The following DPH6 variants were observed in gnomAD, a reference collection of about 807,000 sequenced individuals.
The protein encoded by DPH6 is diphthine--ammonia ligase.
In DPH6, 33 loss-of-function variants were observed where a neutral mutation model predicts 38.2. That is an observed-to-expected ratio of 0.86 (90% CI 0.65 to 1.15). The LOEUF is 1.15. Ranked by LOEUF, DPH6 falls within the 50% of genes most tolerant of loss-of-function variation. The pLI, the probability that DPH6 is intolerant of heterozygous loss-of-function variation, is 0.00. For missense variants in DPH6, 325 were observed against 320.0 expected (o/e 1.02, Z -0.12); for synonymous variants, 108 against 103.0 (o/e 1.05, Z -0.30).
intron 3 of DPH6, among the ~76,000 whole-genome samples, chr15:35,363,685 G>A (rs1439929145): frequency 6.6e-6 from 1 of 151,738 alleles, no homozygotes; most frequent in Non-Finnish European, 1.5e-5. Flanking sequence ...GTTGCTCTAT[G>A]TTTATTTTAG....
At chr15:35,155,330 A>G in the DPH6 span, among the ~76,000 whole-genome samples, 3 of 152,222 alleles carry the variant, frequency 2.0e-5, no homozygotes, top group Non-Finnish European at 2.9e-5. Flanking sequence ...TTTTTGAAGC[A>G]TGTTCAATTA....
chr15:35,145,151 G>C, the DPH6 span, among the ~76,000 whole-genome samples: 1 of 50,054 alleles, frequency 2.0e-5, no homozygotes, highest in Non-Finnish European at 5.2e-5. Context: ...GCAACAAACA[G>C]AAATGTATAA....
At chr15:35,436,937 C>T (rs577182024) in intron 5 of DPH6, among the ~76,000 whole-genome samples, 49 of 151,996 alleles carry the variant, frequency 3.2e-4, no homozygotes, top group South Asian at 1.5e-3. Context: ...ATGCAACCCC[C>T]GAGACACATT....
intron 3 of DPH6, among the ~76,000 whole-genome samples, chr15:35,463,122 TCAAA>T (rs1034979793): frequency 7.2e-5 from 11 of 152,090 alleles, no homozygotes; most frequent in African/African-American, 2.4e-4. Flanking sequence ...ATACTTTTTG[TCAAA>T]CAGATATATA....
chr15:35,218,744 T>TA (rs201860277), exon 4 of DPH6: 2 of 152,072 alleles, frequency 1.3e-5, no homozygotes, highest in African/African-American at 4.8e-5. Flanking sequence ...CTTTTTTTTT[T>TA]AATTAAAACA....
intron 6 of DPH6, among the ~76,000 whole-genome samples, chr15:35,403,462 C>T (rs1230006808): frequency 1.3e-5 from 2 of 151,946 alleles, no homozygotes; most frequent in Admixed American, 1.3e-4. Context: ...TTATTATTGA[C>T]TATAGGCCCC....
rs1017006986 is a variant in DPH6, at chr15:35,348,402, G to C, written n.208-17325C>G. 2.6e-5 allele frequency among the ~76,000 whole-genome samples: 4 copies of C among 152,240 alleles called. No individual in the cohort carries two copies. In the East Asian group the frequency reaches 7.7e-4, roughly 29 times the overall value. On this transcript the variant is annotated intron_variant and non_coding_transcript_variant, in intron 3 of 3. Coordinates refer to the DPH6 transcript ENST00000558973. ...CTTTCCCAACATCTTTTGTTGAAGA[G>C]ACTATTTTCCATTGTGTAGTTTTGA...
At chr15:35,496,567 AATATAT>A (rs1165939476) in intron 3 of DPH6, among the ~76,000 whole-genome samples, 20 of 31,014 alleles carry the variant, frequency 6.4e-4, no homozygotes, top group East Asian at 3.0e-3. Flanking sequence ...AAAAAAAAAA[AATATAT>A]ATATATATAT....
the DPH6 span, among the ~76,000 whole-genome samples, chr15:35,170,448 G>T: frequency 6.6e-6 from 1 of 152,116 alleles, no homozygotes; most frequent in Admixed American, 6.6e-5. Context: ...GAGCTGGTGT[G>T]GGGGATGACA....
intron 3 of DPH6, among the ~76,000 whole-genome samples, chr15:35,281,853 C>A (rs191127565): frequency 2.0e-5 from 3 of 152,150 alleles, no homozygotes; most frequent in Admixed American, 6.5e-5. Context: ...CTTTCATTGT[C>A]CCCTGGTCAA....
chr15:35,185,169 C>T, the DPH6 span, among the ~76,000 whole-genome samples: 5 of 152,220 alleles, frequency 3.3e-5, no homozygotes, highest in Admixed American at 2.6e-4. Context: ...TGGACAACCA[C>T]TGACATTATA....
At chr15:35,307,270 A>G (rs1036952205) in intron 3 of DPH6, among the ~76,000 whole-genome samples, 5 of 152,076 alleles carry the variant, frequency 3.3e-5, no homozygotes, top group African/African-American at 1.2e-4. Context: ...ATCATCTCTC[A>G]CTCTGTATTG....
At chr15:35,429,141 C>T (rs1394010541) in intron 5 of DPH6, among the ~76,000 whole-genome samples, 5 of 152,242 alleles carry the variant, frequency 3.3e-5, no homozygotes, top group Admixed American at 1.3e-4. Flanking sequence ...TAACAAAACA[C>T]AATGTTCCAC....
At chr15:35,478,366 T>TACACACAC (rs66521447) in intron 3 of DPH6, among the ~76,000 whole-genome samples, 32 of 142,150 alleles carry the variant, frequency 2.3e-4, no homozygotes, top group African/African-American at 7.1e-4. Flanking sequence ...TACCCACACA[T>TACACACAC]ACACACACAC....
chr15:35,146,208 T>C, the DPH6 span, among the ~76,000 whole-genome samples: 1 of 152,100 alleles, frequency 6.6e-6, no homozygotes, highest in African/African-American at 2.4e-5. Context: ...ACTTTTATGA[T>C]AGATAAAACA....
At chr15:35,210,169 T>C in the DPH6 span, among the ~76,000 whole-genome samples, 2 of 152,248 alleles carry the variant, frequency 1.3e-5, no homozygotes, top group African/African-American at 4.8e-5. Flanking sequence ...ATACAGGACT[T>C]CTCCAACCTG....
At chr15:35,268,525 TAA>T (rs749587386) in intron 3 of DPH6, among the ~76,000 whole-genome samples, 1 of 144,764 alleles carries the variant, frequency 6.9e-6, no homozygotes. Flanking sequence ...TTTGCAGCTC[TAA>T]AAAAAAAAAC....
intron 3 of DPH6, among the ~76,000 whole-genome samples, chr15:35,257,833 A>G (rs1363980847): frequency 6.6e-6 from 1 of 151,588 alleles, no homozygotes; most frequent in Admixed American, 6.6e-5. Flanking sequence ...AATGCATAGT[A>G]AGTAATTAGC....
chr15:35,306,610 G>C (rs1314856740), intron 3 of DPH6, among the ~76,000 whole-genome samples: 1 of 152,216 alleles, frequency 6.6e-6, no homozygotes, highest in Non-Finnish European at 1.5e-5. Flanking sequence ...CTCTCAACCT[G>C]TTGATTTTGG....
Sources: allele counts gnomAD v4.1 joint callset (sites outside exome capture counted in the v4.1 genomes callset), GRCh38; gene constraint gnomAD v4.1.1; transcripts MANE v1.5; gene names NCBI Gene and HGNC (gene_info 2026-07-23, HGNC 2026-07-21).